The following IFIH1 variants were observed in gnomAD, a reference collection of about 807,000 sequenced individuals.
IFIH1 encodes the protein interferon-induced helicase C domain-containing protein 1.
In IFIH1, 125 loss-of-function variants were observed where a neutral mutation model predicts 107.4. That is an observed-to-expected ratio of 1.16 (90% CI 1.01 to 1.35). The LOEUF is 1.35. Among genes scored for constraint, IFIH1 ranks in the 40% most tolerant of loss-of-function variants. IFIH1 has a pLI of 0.00. For synonymous variants in IFIH1, 458 were observed against 413.2 expected (o/e 1.11, Z -1.31); for missense variants, 1,333 against 1,213.7 (o/e 1.10, Z -1.46).
chr2:162,272,855 G>C (rs1691072360), intron 12 of IFIH1, among the ~76,000 whole-genome samples: 1 of 152,086 alleles, frequency 6.6e-6, no homozygotes, highest in Non-Finnish European at 1.5e-5. Flanking sequence ...TTTCCCATGG[G>C]AACATATTTA....
In IFIH1 at chr2:162,267,596, T is replaced by A. The variant is rs1418185333; in HGVS notation, c.2808-27A>T. The A allele has an allele frequency of 2.6e-6, 4 of 1,511,882 alleles. No homozygotes were observed. In the Admixed American group the frequency reaches 6.7e-5, roughly 25 times the overall value. The allele number at this position is 1,511,882 out of a possible 1,614,324, so 93.7% of individuals were successfully genotyped here. A position where few individuals can be genotyped will look rare whatever the true frequency, so the allele number is the denominator to read the frequency against. On this transcript the variant is annotated intron_variant, in intron 14 of 15. Transcript: ENST00000649979. ...TATAAGTATCAAAGGGAAAGAATCA[T>A]CATGGAGAACTGACAAAATACCAGT...
chr2:162,305,743 C>A (rs544284377), intron 3 of IFIH1, among the ~76,000 whole-genome samples: 31 of 152,152 alleles, frequency 2.0e-4, no homozygotes, highest in Admixed American at 7.8e-4. Flanking sequence ...ATAAACTTAC[C>A]ATAAAAGAAA....
At chr2:162,291,435 T>A (rs1243447070) in intron 4 of IFIH1, among the ~76,000 whole-genome samples, 1 of 151,674 alleles carries the variant, frequency 6.6e-6, no homozygotes, top group Non-Finnish European at 1.5e-5. Context: ...CAGGCCAATA[T>A]GTATTGCCAA....
intron 2 of IFIH1, among the ~76,000 whole-genome samples, chr2:162,309,897 T>G (rs1683360737): frequency 6.6e-6 from 1 of 152,202 alleles, no homozygotes; most frequent in Admixed American, 6.5e-5. Context: ...AGATCAAGTT[T>G]TATCCCATTT....
chr2:162,280,592 G>A (rs1215783750), intron 7 of IFIH1, among the ~76,000 whole-genome samples: 2 of 151,998 alleles, frequency 1.3e-5, no homozygotes, highest in Admixed American at 1.3e-4. Context: ...AAAGCTGGGA[G>A]CATCCTTAGT....
At chr2:162,290,988 A>T (rs1428299508) in intron 4 of IFIH1, among the ~76,000 whole-genome samples, 2 of 151,836 alleles carry the variant, frequency 1.3e-5, no homozygotes, top group African/African-American at 2.4e-5. Context: ...AATTTCCTTT[A>T]TAAAAGAAAT....
At chr2:162,314,486 T>TTCTTTCTC (rs1439441114) in intron 1 of IFIH1, among the ~76,000 whole-genome samples, 1 of 126,290 alleles carries the variant, frequency 7.9e-6, no homozygotes, top group African/African-American at 3.0e-5. Flanking sequence ...CTTTCTTTCT[T>TTCTTTCTC]TTTCTTTCTC....
At chr2:162,299,553 C>G (rs1053471857) in intron 3 of IFIH1, among the ~76,000 whole-genome samples, 1 of 152,030 alleles carries the variant, frequency 6.6e-6, no homozygotes, top group Non-Finnish European at 1.5e-5. Flanking sequence ...CTGTGTGGAG[C>G]TGGAAAGAGA....
In IFIH1 at chr2:162,318,079, G is replaced by T. The variant is rs147278787; in HGVS notation, c.229C>A (p.Arg77=). The T allele has an allele frequency of 1.3e-4, 212 of 1,614,034 alleles. No individual in the cohort carries two copies. The highest frequency in any genetic ancestry group is 1.7e-4 in the Non-Finnish European group (204 of 1,180,030). ...EKGVWHLGWT[R]EFVEALRRTG... is the part of the protein sequence containing the mutation. ...CTCCGGAGGGCCTCCACGAATTCCC[G>T]AGTCCAACCAAGGTGCCAGACTCCC... Residue 77 remains arginine (R), a synonymous_variant, in exon 1 of 16, where the codon CGG becomes AGG. Transcript: ENST00000649979.
rs376420466 is a variant in IFIH1, at chr2:162,276,924, C to G, written c.2067G>C (p.Arg689Ser). ...LFFENNKMLK[R>S]LAENPEYENE... Reference sequence around the variant, plus strand: ...TTTCATATTCTGGGTTTTCAGCCAGCCTTTTCAACATTTTATTGTTTTCTT... The same window carrying G: ...TTTCATATTCTGGGTTTTCAGCCAGGCTTTTCAACATTTTATTGTTTTCTT... The change falls in exon 11 of 16, where the codon AGG becomes AGC. Residue 689 changes from arginine to serine, a missense_variant. Transcript: ENST00000649979. The G allele has an allele frequency of 1.5e-4, 234 of 1,603,044 alleles. No individual in the cohort carries two copies. Among genetic ancestry groups the G allele is most frequent in the Admixed American group, 6.8e-4 (39 of 57,458 alleles).
At chr2:162,311,402 T>G (rs779135946) in intron 1 of IFIH1, among the ~76,000 whole-genome samples, 3 of 152,110 alleles carry the variant, frequency 2.0e-5, no homozygotes, top group Non-Finnish European at 4.4e-5. Flanking sequence ...CCTTTCTTCA[T>G]GATTATCATT....
At chr2:162,293,543 T>C in intron 4 of IFIH1, 21 bp downstream of exon 4, 1 of 1,517,398 alleles carries the variant, frequency 6.6e-7, no homozygotes, top group Non-Finnish European at 9.1e-7. Context: ...TTTTAAGGTT[T>C]ACACAACAGT....
At chr2:162,271,756 A>G (rs538716743) in intron 13 of IFIH1, among the ~76,000 whole-genome samples, 7 of 152,184 alleles carry the variant, frequency 4.6e-5, no homozygotes, top group Admixed American at 1.3e-4. Context: ...CTGTCCTCCA[A>G]ACTTCACCAG....
chr2:162,273,748 C>T (rs1179916330), intron 12 of IFIH1, 47 bp downstream of exon 12: 2 of 1,347,408 alleles, frequency 1.5e-6, no homozygotes, highest in Non-Finnish European at 1.0e-6. Flanking sequence ...AAAATAGGAA[C>T]ACAACAAATA....
In IFIH1 at chr2:162,306,874, G is replaced by C. The variant is rs371045477; in HGVS notation, c.623-19C>G. ...TCAATCTCTGTGAATAACAGTATTA[G>C]AATGCAAATCATAGTGCCATACAAG... On this transcript the variant is annotated intron_variant, in intron 2 of 15. Transcript: ENST00000649979. 185 of 1,611,602 alleles carry C rather than the reference G, an allele frequency of 1.1e-4. 1 individual carries two copies. The African/African-American group carries it at 2.1e-3, about 18-fold the overall frequency.
chr2:162,309,850 A>C (rs766776493), intron 2 of IFIH1, among the ~76,000 whole-genome samples: 1 of 152,200 alleles, frequency 6.6e-6, no homozygotes, highest in Non-Finnish European at 1.5e-5. Flanking sequence ...TTTGCTAAGA[A>C]ATTTTCTCAG....
At chr2:162,272,476 A>C in intron 12 of IFIH1, 89 bp from the exon 13 acceptor site, 1 of 1,149,910 alleles carries the variant, frequency 8.7e-7, no homozygotes, top group Non-Finnish European at 1.3e-6. Flanking sequence ...TCTTGCTCAG[A>C]ATGAAATGAT....
At chr2:162,296,990 G>A (rs1161437107) in intron 3 of IFIH1, among the ~76,000 whole-genome samples, 1 of 151,800 alleles carries the variant, frequency 6.6e-6, no homozygotes, top group Non-Finnish European at 1.5e-5. Flanking sequence ...TTGTTTCCTA[G>A]GCAGCAAATT....
chr2:162,294,130 G>A (rs559052496), intron 3 of IFIH1, among the ~76,000 whole-genome samples: 1 of 151,930 alleles, frequency 6.6e-6, no homozygotes, highest in Non-Finnish European at 1.5e-5. Context: ...GAAAATGATA[G>A]TTTGGTGATA....
Sources: allele counts gnomAD v4.1 joint callset (sites outside exome capture counted in the v4.1 genomes callset), GRCh38; gene constraint gnomAD v4.1.1; transcripts MANE v1.5; gene names NCBI Gene and HGNC (gene_info 2026-07-23, HGNC 2026-07-21).